Variants in GNL3L observed in about 807,000 individuals in gnomAD.
The protein encoded by GNL3L is guanine nucleotide-binding protein-like 3-like protein.
GNL3L carries 4 observed loss-of-function variants against 42.9 expected under a neutral mutation model. That is an observed-to-expected ratio of 0.09 (90% confidence interval 0.05 to 0.21). The LOEUF is 0.21. Among genes scored for constraint, GNL3L ranks in the 10% least tolerant of loss-of-function variants. GNL3L has a pLI of 1.00. For missense variants in GNL3L, 412 were observed against 481.7 expected (o/e 0.86, Z 1.36); for synonymous variants, 159 against 176.3 (o/e 0.90, Z 0.78).
At chrX:54,611,441 G>C (rs1459526799) in intron 16 of GNL3L, among the ~76,000 whole-genome samples, 1 of 111,585 alleles carries the variant, frequency 9.0e-6, no homozygotes, top group African/African-American at 3.3e-5. Context: ...TGTGAACTTA[G>C]AATGTCAGTT....
chrX:54,605,522 G>A (rs183584616), intron 16 of GNL3L, among the ~76,000 whole-genome samples: 3 of 111,268 alleles, frequency 2.7e-5, no homozygotes, highest in East Asian at 5.7e-4. Context: ...TTACAGCTCC[G>A]GTCTCAATCT....
At chrX:54,579,610 C>T (rs952103498) in intron 16 of GNL3L, among the ~76,000 whole-genome samples, 1 of 111,701 alleles carries the variant, frequency 9.0e-6, no homozygotes, top group South Asian at 3.7e-4. Context: ...ACAGGCTGTT[C>T]TTGATCTTGA....
chrX:54,569,517 G>C (rs1272820561), downstream of GNL3L, among the ~76,000 whole-genome samples: 2 of 111,782 alleles, frequency 1.8e-5, no homozygotes, highest in Non-Finnish European at 3.8e-5. Flanking sequence ...TTGTTAAAAC[G>C]ATTCTAAAAT....
chrX:54,540,279 G>T, intron 4 of GNL3L, 37 bp downstream of exon 4: 1 of 866,987 alleles, frequency 1.2e-6, no homozygotes, highest in Non-Finnish European at 1.7e-6. Context: ...GAGAGGGCCT[G>T]CCTTGAATGC....
chrX:54,617,051 G>A (rs983297340), intron 16 of GNL3L, among the ~76,000 whole-genome samples: 1 of 111,839 alleles, frequency 8.9e-6, no homozygotes, highest in Non-Finnish European at 1.9e-5. Flanking sequence ...AAAGGAAAAG[G>A]TCATTCTTAA....
At chrX:54,643,175 AAAC>A in the GNL3L span, among the ~76,000 whole-genome samples, 1 of 112,222 alleles carries the variant, frequency 8.9e-6, no homozygotes, top group African/African-American at 3.2e-5. Flanking sequence ...AAACAAGACA[AAAC>A]AAATTCATAT....
chrX:54,552,881 G>A (rs984662020), intron 13 of GNL3L, among the ~76,000 whole-genome samples: 1 of 112,141 alleles, frequency 8.9e-6, no homozygotes, highest in Non-Finnish European at 1.9e-5. Context: ...AAGGATGTCA[G>A]CAGAGGTGGC....
intron 2 of GNL3L, among the ~76,000 whole-genome samples, chrX:54,536,435 T>G (rs188621423): frequency 6.2e-4 from 69 of 111,265 alleles, no homozygotes; most frequent in Middle Eastern, 9.2e-3. Context: ...TTTGTTTCCT[T>G]TAGCTTGGGA....
In GNL3L at chrX:54,562,874, G is replaced by A. The variant is rs1925312686; in HGVS notation, c.*2272G>A. ...GTGGTGCTAGGATTGGAACCCAAGC[G>A]TGATTAAAACCCTATGCAGGCCCTT... On this transcript the variant is annotated 3_prime_UTR_variant, in exon 16 of 16. Coordinates refer to ENST00000360845, the MANE Select transcript of GNL3L (RefSeq NM_001184819.2). 1.9e-5 allele frequency among the ~76,000 whole-genome samples: 2 copies of A among 106,361 alleles called. No homozygotes were observed. The highest frequency in any genetic ancestry group is 3.3e-5 in the African/African-American group (1 of 30,097). 92.4% of individuals were successfully genotyped at this position (106,361 alleles called of 115,157 possible).
downstream of GNL3L, among the ~76,000 whole-genome samples, chrX:54,626,493 G>T (rs746045698): frequency 3.6e-5 from 4 of 111,687 alleles, no homozygotes; most frequent in African/African-American, 9.8e-5. Flanking sequence ...AAACATAGGG[G>T]TGCAGGTATC....
At chrX:54,537,598 G>A (rs1924478246) in intron 2 of GNL3L, among the ~76,000 whole-genome samples, 1 of 110,893 alleles carries the variant, frequency 9.0e-6, no homozygotes, top group Admixed American at 9.7e-5. Context: ...TGTTAGTGAT[G>A]TCTTTTTTGT....
chrX:54,630,738 T>TTCTTTCTTTCTTTCTC, the GNL3L span, among the ~76,000 whole-genome samples: 1 of 67,540 alleles, frequency 1.5e-5, no homozygotes, highest in Non-Finnish European at 2.6e-5. Flanking sequence ...CTTTCTTTCT[T>TTCTTTCTTTCTTTCTC]TCTCTTTCTT....
At chrX:54,554,797 ACT>A in intron 14 of GNL3L, 105 bp downstream of exon 14, 4 of 700,249 alleles carry the variant, frequency 5.7e-6, no homozygotes, top group Middle Eastern at 3.6e-4. Context: ...TGGGTAGTTC[ACT>A]CGCTCCCTAT....
At chrX:54,627,200 G>A in the GNL3L span, among the ~76,000 whole-genome samples, 1 of 110,710 alleles carries the variant, frequency 9.0e-6, no homozygotes, top group African/African-American at 3.3e-5. Flanking sequence ...GTAGAGATGG[G>A]GTTTCACCAT....
At chrX:54,644,057 A>G in the GNL3L span, among the ~76,000 whole-genome samples, 570 of 112,360 alleles carry the variant, frequency 5.1e-3, 4 homozygotes, top group African/African-American at 0.017. Context: ...ACTATATTGA[A>G]TAGTGCTACA....
chrX:54,557,273 T>A (rs1467798528), intron 14 of GNL3L, among the ~76,000 whole-genome samples: 4 of 106,232 alleles, frequency 3.8e-5, no homozygotes, highest in East Asian at 5.9e-4. Flanking sequence ...AAAAAAAAAA[T>A]TTTTTTTTAA....
At position 54,543,220 on chromosome X, in the gene GNL3L, C is replaced by G; in HGVS notation, c.404C>G (p.Ser135Cys). The G allele has an allele frequency of 8.3e-7, 1 of 1,210,388 alleles. No homozygotes were observed. Among genetic ancestry groups the G allele is most frequent in the South Asian group, 1.8e-5 (1 of 56,876 alleles). Residue 135 changes from serine (S) to cysteine (C), a missense_variant, in exon 7 of 16, where the codon TCT becomes TGT. Physicochemically the swap from Ser to Cys is moderately radical, Grantham distance 112. Transcript: ENST00000360845. ...YKEFRKVVEY[S>C]DVILEVLDAR... The stretch of plus-strand genomic sequence containing the variant: ...TCTGCCCTGCAGGTGGTGGAATACT[C>G]TGATGTGATTCTGGAAGTCCTGGAT...
At chrX:54,603,482 C>G (rs2147528362) in intron 16 of GNL3L, among the ~76,000 whole-genome samples, 1 of 111,577 alleles carries the variant, frequency 9.0e-6, no homozygotes, top group South Asian at 3.7e-4. Context: ...TTTCCACAAA[C>G]TAATTAATTA....
intron 16 of GNL3L, among the ~76,000 whole-genome samples, chrX:54,604,613 A>T (rs1267229848): frequency 8.9e-6 from 1 of 111,858 alleles, no homozygotes; most frequent in Non-Finnish European, 1.9e-5. Context: ...ACCCCCTGGG[A>T]TTATGAAGGT....
Sources: allele counts gnomAD v4.1 joint callset (sites outside exome capture counted in the v4.1 genomes callset), GRCh38; gene constraint gnomAD v4.1.1; transcripts MANE v1.5; gene names NCBI Gene and HGNC (gene_info 2026-07-23, HGNC 2026-07-21).